MEOX2: variants seen among roughly 807,000 people sequenced by gnomAD.
MEOX2 encodes homeobox protein MOX-2.
MEOX2 carries 11 observed loss-of-function variants against 27.0 expected under a neutral mutation model. The ratio of observed to expected loss-of-function variants is 0.41; its 90% CI spans 0.26 to 0.68. MEOX2 has a LOEUF of 0.68. MEOX2 is among the 30% of genes least tolerant of loss of function. The pLI is 0.33. For synonymous variants in MEOX2, 189 were observed against 155.4 expected (o/e 1.22, Z -1.61); for missense variants, 436 against 385.4 (o/e 1.13, Z -1.10).
At chr7:15,675,576 G>A (rs1782179693) in intron 1 of MEOX2, among the ~76,000 whole-genome samples, 1 of 152,218 alleles carries the variant, frequency 6.6e-6, no homozygotes, top group African/African-American at 2.4e-5. Context: ...TGGCTGAATG[G>A]ACAGACATTA....
rs1360948450 is a variant in MEOX2 at position 15,686,412 on chromosome 7, G to A, written c.-10C>T. 1.3e-6 allele frequency: 2 copies of A among 1,558,874 alleles called. No homozygotes were observed. Among genetic ancestry groups the A allele is most frequent in the Non-Finnish European group, 1.7e-6 (2 of 1,150,736 alleles). The stretch of plus-strand genomic sequence containing the variant: ...AGAGCGGGTGTTCCATAGCATGCAA[G>A]TTTCGGGTTCCAGGCAGAAGACTTC... On this transcript the variant is annotated 5_prime_UTR_variant, in exon 1 of 3. Coordinates refer to ENST00000262041, the MANE Select transcript of MEOX2 (RefSeq NM_005924.5).
chr7:15,653,811 G>C (rs183000889), intron 1 of MEOX2, among the ~76,000 whole-genome samples: 111 of 151,948 alleles, frequency 7.3e-4, no homozygotes, highest in Non-Finnish European at 1.5e-3. Flanking sequence ...ACACAGTTTT[G>C]ATTAATGTAG....
chr7:15,679,682 T>C (rs1455347233), intron 1 of MEOX2: 2 of 152,000 alleles, frequency 1.3e-5, no homozygotes, highest in Admixed American at 6.6e-5. Context: ...TTTAGAATTA[T>C]TAAACATTTA....
chr7:15,619,819 A>T (rs1781192328), intron 2 of MEOX2, among the ~76,000 whole-genome samples: 2 of 152,040 alleles, frequency 1.3e-5, no homozygotes, highest in African/African-American at 4.8e-5. Context: ...TATTATTTGA[A>T]ATTTAAATAT....
chr7:15,612,382 T>A lies in MEOX2; in HGVS notation c.*5A>T. 6.2e-7 allele frequency: 1 copy of A among 1,611,594 alleles called. No homozygotes were observed. The highest frequency in any genetic ancestry group is 8.5e-7 in the Non-Finnish European group (1 of 1,177,924). On this transcript the variant is annotated 3_prime_UTR_variant, in exon 3 of 3. Coordinates refer to ENST00000262041, the MANE Select transcript of MEOX2 (RefSeq NM_005924.5). ...CCTGAGAATGGAGCTGGTCCTCTGT[T>A]TATATCATAAGTGCGCATGCTCTGA...
intron 1 of MEOX2, among the ~76,000 whole-genome samples, chr7:15,673,597 C>CA (rs35223717): frequency 0.34 from 25,403 of 75,740 alleles, 3,944 homozygotes; most frequent in East Asian, 0.41. Flanking sequence ...ACAAGTCTAT[C>CA]AAAAAAAAAA....
intron 1 of MEOX2, among the ~76,000 whole-genome samples, chr7:15,650,235 C>T (rs1266621763): frequency 1.3e-5 from 2 of 151,994 alleles, no homozygotes; most frequent in Non-Finnish European, 2.9e-5. Context: ...CACAATTTTC[C>T]CAATTGTGGG....
At chr7:15,647,862 T>A (rs1263028325) in intron 1 of MEOX2, among the ~76,000 whole-genome samples, 1 of 152,142 alleles carries the variant, frequency 6.6e-6, no homozygotes, top group Non-Finnish European at 1.5e-5. Flanking sequence ...CATTAGCTCA[T>A]CTTCTAATAA....
At chr7:15,640,168 G>A (rs1216165947) in intron 1 of MEOX2, among the ~76,000 whole-genome samples, 1 of 151,864 alleles carries the variant, frequency 6.6e-6, no homozygotes, top group South Asian at 2.1e-4. Context: ...GTGCTTTGTA[G>A]TTCTCCTTGT....
intron 1 of MEOX2, among the ~76,000 whole-genome samples, chr7:15,635,430 G>T (rs948043798): frequency 6.6e-6 from 1 of 151,920 alleles, no homozygotes; most frequent in African/African-American, 2.4e-5. Flanking sequence ...GATATTAAGA[G>T]CATCCTCTCT....
chr7:15,658,080 C>T (rs1483893253), intron 1 of MEOX2, among the ~76,000 whole-genome samples: 1 of 152,222 alleles, frequency 6.6e-6, no homozygotes, highest in Non-Finnish European at 1.5e-5. Context: ...ACTAATACCA[C>T]GGAGTGGGTA....
At position 15,611,299 on chromosome 7, in the gene MEOX2, AT is replaced by A. The variant is rs1050854869; in HGVS notation, c.*1087del. 3 of 152,234 alleles carry A rather than the reference AT, an allele frequency of 2.0e-5. No homozygotes were observed. The highest frequency in any genetic ancestry group is 4.4e-5 in the Non-Finnish European group (3 of 68,022). 9.4% of individuals were successfully genotyped at this position (152,234 alleles called of 1,614,324 possible). A position where few individuals can be genotyped will look rare whatever the true frequency, so the allele number is the denominator to read the frequency against. On this transcript the variant is annotated 3_prime_UTR_variant, in exon 3 of 3. Transcript: ENST00000262041. ...GCATGAATACATCACATATGAAAAA[AT>A]AATGTGTTTTTACCGAATTTAATTT...
chr7:15,635,132 C>T (rs963418395), intron 1 of MEOX2, among the ~76,000 whole-genome samples: 6 of 151,856 alleles, frequency 4.0e-5, no homozygotes, highest in African/African-American at 1.4e-4. Context: ...TCTTACAAAC[C>T]GTCTATTTCC....
intron 1 of MEOX2, among the ~76,000 whole-genome samples, chr7:15,644,802 T>C (rs1363729105): frequency 6.6e-6 from 1 of 152,198 alleles, no homozygotes; most frequent in Non-Finnish European, 1.5e-5. Flanking sequence ...GAAGAAATGC[T>C]CGTTTTGTAC....
At chr7:15,648,021 C>T (rs1781677129) in intron 1 of MEOX2, among the ~76,000 whole-genome samples, 1 of 151,928 alleles carries the variant, frequency 6.6e-6, no homozygotes, top group African/African-American at 2.4e-5. Context: ...ATCTGGCCTT[C>T]AATATGCTGA....
chr7:15,665,326 A>T (rs1461179980), intron 1 of MEOX2, among the ~76,000 whole-genome samples: 1 of 152,214 alleles, frequency 6.6e-6, no homozygotes, highest in Non-Finnish European at 1.5e-5. Flanking sequence ...AGCCCTAATT[A>T]TCTTTTGGAA....
intron 1 of MEOX2, among the ~76,000 whole-genome samples, chr7:15,652,802 C>T (rs768979628): frequency 6.6e-6 from 1 of 151,984 alleles, no homozygotes; most frequent in Non-Finnish European, 1.5e-5. Context: ...ATAAATACAT[C>T]AACAGCTCCC....
At chr7:15,678,808 C>T (rs926043393) in intron 1 of MEOX2, 1 of 152,204 alleles carries the variant, frequency 6.6e-6, no homozygotes, top group Non-Finnish European at 1.5e-5. Context: ...CCAACCTAAG[C>T]TGGACCCTCC....
At chr7:15,635,326 G>C (rs962972298) in intron 1 of MEOX2, among the ~76,000 whole-genome samples, 15 of 151,936 alleles carry the variant, frequency 9.9e-5, no homozygotes, top group Admixed American at 5.9e-4. Flanking sequence ...ACAAGGATTT[G>C]AGGACCACTG....
Sources: allele counts gnomAD v4.1 joint callset (sites outside exome capture counted in the v4.1 genomes callset), GRCh38; gene constraint gnomAD v4.1.1; transcripts MANE v1.5; gene names NCBI Gene and HGNC (gene_info 2026-07-23, HGNC 2026-07-21).